Variants in FRMD4A observed in about 807,000 individuals in gnomAD.
FRMD4A encodes the protein FERM domain-containing protein 4A.
A neutral mutation model predicts 129.1 loss-of-function variants in FRMD4A; 29 were observed. That is an observed-to-expected ratio of 0.22 (90% confidence interval 0.17 to 0.31). The LOEUF (loss-of-function observed/expected upper bound fraction) is 0.31. FRMD4A is among the 10% of genes least tolerant of loss of function. The pLI is 1.00. For missense variants in FRMD4A, 1,272 were observed against 1,375.8 expected (o/e 0.92, Z 1.19); for synonymous variants, 634 against 571.6 (o/e 1.11, Z -1.56).
intron 2 of FRMD4A, among the ~76,000 whole-genome samples, chr10:13,984,988 G>A (rs1007384327): frequency 6.6e-6 from 1 of 152,242 alleles, no homozygotes; most frequent in East Asian, 1.9e-4. Context: ...CACAGGCAGC[G>A]CTTGCTCCAC....
intron 2 of FRMD4A, among the ~76,000 whole-genome samples, chr10:14,012,591 G>A (rs920764932): frequency 2.6e-5 from 4 of 152,172 alleles, no homozygotes; most frequent in South Asian, 4.1e-4. Flanking sequence ...AGAGTCTGCC[G>A]AGCCAACGTG....
intron 2 of FRMD4A, among the ~76,000 whole-genome samples, chr10:14,172,231 A>G (rs1412937161): frequency 6.6e-6 from 1 of 152,230 alleles, no homozygotes; most frequent in African/African-American, 2.4e-5. Flanking sequence ...CTTGAAACCT[A>G]AAAACTGAAG....
chr10:14,234,213 G>A (rs1843725010), intron 2 of FRMD4A, among the ~76,000 whole-genome samples: 1 of 46,862 alleles, frequency 2.1e-5, no homozygotes, highest in Non-Finnish European at 4.7e-5. Context: ...TAGGACTTCA[G>A]GGAAGAAGAA....
intron 2 of FRMD4A, among the ~76,000 whole-genome samples, chr10:14,252,358 C>T (rs969244183): frequency 4.6e-5 from 7 of 152,138 alleles, no homozygotes; most frequent in African/African-American, 1.7e-4. Context: ...GACAAAAGGA[C>T]ATTATTAAGA....
At chr10:13,785,597 T>A (rs2092834275) in intron 5 of FRMD4A, among the ~76,000 whole-genome samples, 1 of 152,190 alleles carries the variant, frequency 6.6e-6, no homozygotes, top group African/African-American at 2.4e-5. Context: ...TAAATTTTTT[T>A]ATTTTTATAA....
chr10:13,681,390 T>C (rs544971095), intron 15 of FRMD4A, among the ~76,000 whole-genome samples: 3 of 152,328 alleles, frequency 2.0e-5, no homozygotes, highest in South Asian at 2.1e-4. Context: ...AGAAGATGGA[T>C]GGAACCTCTT....
intron 12 of FRMD4A, among the ~76,000 whole-genome samples, chr10:13,719,598 G>A (rs544172085): frequency 3.4e-4 from 51 of 152,234 alleles, no homozygotes; most frequent in African/African-American, 1.2e-3. Flanking sequence ...TACATTTTCC[G>A]GAAGGTCAGT....
chr10:14,156,059 T>C (rs1276082792), intron 2 of FRMD4A, among the ~76,000 whole-genome samples: 1 of 152,158 alleles, frequency 6.6e-6, no homozygotes, highest in African/African-American at 2.4e-5. Context: ...CTTTTTCTCA[T>C]GAGCTCAAGG....
At chr10:13,859,916 C>T (rs1478336305) in intron 2 of FRMD4A, among the ~76,000 whole-genome samples, 2 of 152,174 alleles carry the variant, frequency 1.3e-5, no homozygotes, top group East Asian at 1.9e-4. Flanking sequence ...TTACAAGGGG[C>T]TGCAGGACTC....
At chr10:13,679,494 C>T (rs1434384745) in intron 15 of FRMD4A, among the ~76,000 whole-genome samples, 11 of 123,828 alleles carry the variant, frequency 8.9e-5, no homozygotes, top group Admixed American at 1.8e-4. Context: ...CACACACACA[C>T]ACACACACAC....
intron 2 of FRMD4A, among the ~76,000 whole-genome samples, chr10:13,900,674 A>G (rs1014815981): frequency 1.3e-5 from 2 of 152,032 alleles, no homozygotes; most frequent in Non-Finnish European, 1.5e-5. Context: ...AGGTGGGTGG[A>G]TCAATTGAGG....
chr10:13,836,024 G>A (rs962517376), intron 3 of FRMD4A, among the ~76,000 whole-genome samples: 3 of 124,848 alleles, frequency 2.4e-5, no homozygotes, highest in African/African-American at 9.2e-5. Flanking sequence ...TTGAGATGGA[G>A]TCTTACTCTG....
chr10:14,196,712 G>A lies in FRMD4A; in HGVS notation c.45+133346C>T, dbSNP rs533981838. ...TTGGATTAGAAATGCCATTCTTAAT[G>A]TAAATTGCTAGCCCATAGAAATCAT... On this transcript the variant is annotated intron_variant, in intron 2 of 24. Coordinates refer to ENST00000357447, the MANE Select transcript of FRMD4A (RefSeq NM_018027.5). Among the ~76,000 whole-genome samples, 8 of 152,270 alleles carry A rather than the reference G, an allele frequency of 5.3e-5. No individual in the cohort carries two copies. In the South Asian group the frequency reaches 1.7e-3, roughly 32 times the overall value.
rs1308155926 is a variant in FRMD4A, at chr10:13,679,474, T to TATACACACACACACACACACACAC, written c.1118-4431_1118-4430insGTGTGTGTGTGTGTGTGTGTGTAT. 3.2e-3 allele frequency among the ~76,000 whole-genome samples: 102 copies of TATACACACACACACACACACACAC among 31,476 alleles called. 3 individuals carry two copies. Among genetic ancestry groups the TATACACACACACACACACACACAC allele is most frequent in the Non-Finnish European group, 4.1e-3 (79 of 19,206 alleles). 20.6% of individuals were successfully genotyped at this position (31,476 alleles called of 152,430 possible). On this transcript the variant is annotated intron_variant, in intron 15 of 24. Coordinates refer to ENST00000357447, the MANE Select transcript of FRMD4A (RefSeq NM_018027.5). ...AAAAAAAAAAAAATATATATATATA[T>TATACACACACACACACACACACAC]ACACACACACACACACACACACACA...
At chr10:13,713,978 G>GTAATATACATATATAATATACATATA (rs1554858734) in intron 12 of FRMD4A, among the ~76,000 whole-genome samples, 1 of 15,788 alleles carries the variant, frequency 6.3e-5, no homozygotes, top group African/African-American at 2.4e-4. Flanking sequence ...ATACATATAT[G>GTAATATACATATATAATATACATATA]TAATATACAT....
intron 2 of FRMD4A, among the ~76,000 whole-genome samples, chr10:14,091,586 A>T (rs1474229213): frequency 6.6e-6 from 1 of 152,168 alleles, no homozygotes; most frequent in Admixed American, 6.5e-5. Context: ...GGCATGGGCC[A>T]CCATGCCCAG....
rs1365889750 is a variant in FRMD4A, at chr10:13,645,525, A to G, written c.*1513T>C. The G allele has an allele frequency of 1.3e-5, 2 of 152,650 alleles. No individual in the cohort carries two copies. Among genetic ancestry groups the G allele is most frequent in the Admixed American group, 1.3e-4 (2 of 15,284 alleles). 9.5% of individuals were successfully genotyped at this position (152,650 alleles called of 1,614,324 possible). ...GGCTTTCCAGTTGTGTTTGAAGCAT[A>G]GCTCAAAACATGTAAACGTGCAGCT... is the stretch of plus-strand genomic sequence containing the variant. On this transcript the variant is annotated 3_prime_UTR_variant, in exon 25 of 25. Transcript: ENST00000357447.
intron 2 of FRMD4A, among the ~76,000 whole-genome samples, chr10:13,894,086 A>G (rs1246836534): frequency 6.6e-6 from 1 of 152,048 alleles, no homozygotes; most frequent in Non-Finnish European, 1.5e-5. Flanking sequence ...CTGTCCTCAT[A>G]ACTACCTCAT....
At chr10:14,122,776 A>C (rs150080997) in intron 2 of FRMD4A, among the ~76,000 whole-genome samples, 1 of 152,180 alleles carries the variant, frequency 6.6e-6, no homozygotes, top group Non-Finnish European at 1.5e-5. Context: ...AACTGAACAC[A>C]GGATTTGGGT....
Sources: allele counts gnomAD v4.1 joint callset (sites outside exome capture counted in the v4.1 genomes callset), GRCh38; gene constraint gnomAD v4.1.1; transcripts MANE v1.5; gene names NCBI Gene and HGNC (gene_info 2026-07-23, HGNC 2026-07-21).